Variants in R3HDM2 observed in about 807,000 individuals in gnomAD.
The protein encoded by R3HDM2 is R3H domain-containing protein 2.
In R3HDM2, 38 loss-of-function variants were observed where a neutral mutation model predicts 124.5. The ratio of observed to expected loss-of-function variants is 0.31; its 90% CI spans 0.24 to 0.40. R3HDM2 has a LOEUF of 0.40. R3HDM2 is among the 10% of genes least tolerant of loss of function. The pLI is 1.00. For missense variants in R3HDM2, 869 were observed against 1,236.9 expected (o/e 0.70, Z 4.46); for synonymous variants, 391 against 448.0 (o/e 0.87, Z 1.61).
At chr12:57,372,989 G>C (rs1056140438) in intron 2 of R3HDM2, among the ~76,000 whole-genome samples, 3 of 152,188 alleles carry the variant, frequency 2.0e-5, no homozygotes, top group African/African-American at 7.2e-5. Flanking sequence ...TGGGAGGATC[G>C]CTTGAGGCCA....
intron 2 of R3HDM2, among the ~76,000 whole-genome samples, chr12:57,324,905 G>A (rs114803507): frequency 0.012 from 1,829 of 152,220 alleles, 30 homozygotes; most frequent in African/African-American, 0.042. Flanking sequence ...AAGCTGTTAG[G>A]GTGGGTCCTA....
At chr12:57,334,955 T>C (rs925937958) in intron 2 of R3HDM2, among the ~76,000 whole-genome samples, 10 of 145,386 alleles carry the variant, frequency 6.9e-5, no homozygotes, top group Admixed American at 1.4e-4. Context: ...CTGGGCAACA[T>C]AGTGAGACCC....
chr12:57,385,459 G>C (rs951014644), intron 2 of R3HDM2, among the ~76,000 whole-genome samples: 3 of 151,748 alleles, frequency 2.0e-5, no homozygotes, highest in Non-Finnish European at 4.4e-5. Context: ...AGCCAGAATG[G>C]TCTCGATCTC....
intron 1 of R3HDM2, among the ~76,000 whole-genome samples, chr12:57,404,082 G>C (rs201491915): frequency 1.4e-4 from 1 of 7,300 alleles, no homozygotes; most frequent in African/African-American, 4.7e-4. Context: ...TTTTTTTTTT[G>C]AGATGGAGTT....
intron 2 of R3HDM2, among the ~76,000 whole-genome samples, chr12:57,339,168 T>G (rs1295337743): frequency 6.6e-6 from 1 of 151,890 alleles, no homozygotes; most frequent in African/African-American, 2.4e-5. Flanking sequence ...TAAATTTTTT[T>G]GTAGTTTTAG....
intron 2 of R3HDM2, among the ~76,000 whole-genome samples, chr12:57,382,431 T>G (rs1272651894): frequency 1.3e-5 from 2 of 149,354 alleles, no homozygotes; most frequent in Admixed American, 6.8e-5. Flanking sequence ...ATTTTTAGTA[T>G]AGACAGGGTT....
intron 2 of R3HDM2, among the ~76,000 whole-genome samples, chr12:57,370,586 G>A (rs1209596856): frequency 1.3e-5 from 2 of 152,140 alleles, no homozygotes; most frequent in African/African-American, 2.4e-5. Flanking sequence ...GTTGCGGTGA[G>A]CCAAGATCGC....
intron 1 of R3HDM2, among the ~76,000 whole-genome samples, chr12:57,407,124 C>T (rs1248399225): frequency 1.3e-5 from 2 of 151,758 alleles, no homozygotes; most frequent in African/African-American, 4.8e-5. Context: ...GTGATGGGCA[C>T]GTGTAATCCC....
At chr12:57,317,989 A>G (rs1200071009) in intron 2 of R3HDM2, among the ~76,000 whole-genome samples, 1 of 137,312 alleles carries the variant, frequency 7.3e-6, no homozygotes, top group Admixed American at 7.4e-5. Context: ...CCGCCCCCCC[A>G]AAAAAAAAAA....
intron 2 of R3HDM2, among the ~76,000 whole-genome samples, chr12:57,363,868 A>T (rs957047821): frequency 1.4e-5 from 2 of 143,038 alleles, no homozygotes; most frequent in African/African-American, 5.1e-5. Flanking sequence ...TCCATCTCTT[A>T]AAAAAAAAAA....
At chr12:57,401,300 A>G (rs559961027) in intron 1 of R3HDM2, among the ~76,000 whole-genome samples, 56 of 152,084 alleles carry the variant, frequency 3.7e-4, no homozygotes, top group Non-Finnish European at 7.2e-4. Context: ...CCAGGCCTCA[A>G]GAGGCCGTTC....
chr12:57,275,206 C>T (rs2044396515), intron 14 of R3HDM2, among the ~76,000 whole-genome samples: 1 of 152,012 alleles, frequency 6.6e-6, no homozygotes, highest in Non-Finnish European at 1.5e-5. Context: ...CAAACAAAAA[C>T]ATAAAGTGGG....
intron 8 of R3HDM2, chr12:57,297,064 A>G (rs1431215000): frequency 2.1e-5 from 7 of 331,912 alleles, no homozygotes; most frequent in Non-Finnish European, 3.8e-5. Flanking sequence ...AAAAAAGACT[A>G]CTTATTAAGC....
chr12:57,296,685 A>G lies in R3HDM2; in HGVS notation c.561-134T>C, dbSNP rs1010544798. On this transcript the variant is annotated intron_variant, in intron 8 of 23. Transcript: ENST00000402412. This position sits in a 1 kb window ranked among gnomAD's most constrained non-coding sequence, Gnocchi z 4.5. ...TAGACATATTATAAGGAATATAGAT[A>G]TTTACTAAATGGGAACCAAATAGGT... The G allele has an allele frequency of 1.3e-5, 12 of 921,828 alleles. No individual in the cohort carries two copies. In the African/African-American group the frequency reaches 1.8e-4, roughly 14 times the overall value. The allele number at this position is 921,828 out of a possible 1,614,324, so 57.1% of individuals were successfully genotyped here.
intron 17 of R3HDM2, 114 bp downstream of exon 17, chr12:57,268,808 G>C: frequency 7.6e-7 from 1 of 1,316,284 alleles, no homozygotes; most frequent in South Asian, 1.5e-5. Context: ...AAATTCTAGG[G>C]GAAAGTAGAC....
intron 1 of R3HDM2, among the ~76,000 whole-genome samples, chr12:57,397,174 AG>A (rs1314599424): frequency 6.6e-6 from 1 of 152,228 alleles, no homozygotes; most frequent in Admixed American, 6.5e-5. Context: ...AAGCAAAAAG[AG>A]GCCAGAGGCA....
intron 2 of R3HDM2, among the ~76,000 whole-genome samples, chr12:57,332,096 G>C (rs1265294796): frequency 2.6e-5 from 4 of 151,334 alleles, no homozygotes; most frequent in Non-Finnish European, 5.9e-5. Flanking sequence ...AAAGAAAAAA[G>C]TAATTTGCCA....
intron 2 of R3HDM2, among the ~76,000 whole-genome samples, chr12:57,368,766 G>A (rs2062958410): frequency 6.6e-6 from 1 of 152,156 alleles, no homozygotes; most frequent in African/African-American, 2.4e-5. Context: ...TCTCTTGGGT[G>A]ATTTTAGTCT....
At chr12:57,421,855 G>T (rs2070232501) in intron 1 of R3HDM2, among the ~76,000 whole-genome samples, 1 of 152,054 alleles carries the variant, frequency 6.6e-6, no homozygotes, top group Non-Finnish European at 1.5e-5. Flanking sequence ...CCAGCACTCT[G>T]GGAGGCCAAG....
Sources: gnomAD v4.1 joint callset for allele counts (sites outside exome capture counted in the v4.1 genomes callset) on GRCh38, gnomAD v4.1.1 for gene constraint, Gnocchi (gnomAD v3.1) non-coding constraint, MANE v1.5 for transcripts, NCBI Gene and HGNC (gene_info 2026-07-23, HGNC 2026-07-21) for gene names.